The following KIAA1217 variants were observed in gnomAD, a reference collection of about 807,000 sequenced individuals.
KIAA1217 encodes the protein sickle tail protein homolog.
KIAA1217 carries 88 observed loss-of-function variants against 163.9 expected under a neutral mutation model. The observed-to-expected ratio is 0.54, with a 90% confidence interval of 0.45 to 0.64. The LOEUF is 0.64. KIAA1217 is among the 30% of genes least tolerant of loss of function. The pLI is 0.00. For missense variants in KIAA1217, 2,372 were observed against 2,475.0 expected, an observed-to-expected ratio of 0.96 and a Z score of 0.88; for synonymous variants, 903 against 923.1, an observed-to-expected ratio of 0.98 and a Z score of 0.39.
chr10:23,854,036 T>G (rs1016637901), intron 1 of KIAA1217, among the ~76,000 whole-genome samples: 9 of 152,142 alleles, frequency 5.9e-5, no homozygotes, highest in Non-Finnish European at 8.8e-5. Context: ...TGATTTTAGT[T>G]ATTTCTTGCC....
chr10:23,719,952 T>C (rs1264596527), intron 1 of KIAA1217, among the ~76,000 whole-genome samples: 2 of 152,094 alleles, frequency 1.3e-5, no homozygotes, highest in Non-Finnish European at 2.9e-5. Flanking sequence ...ATTACATTTA[T>C]ATGAAATGTT....
rs973558151 is a variant in KIAA1217 at position 24,521,824 on chromosome 10, G to T, written c.2351G>T (p.Arg784Leu). 6.2e-7 allele frequency: 1 copy of T among 1,613,692 alleles called. No homozygotes were observed. Among genetic ancestry groups the T allele is most frequent in the South Asian group, 1.1e-5 (1 of 91,068 alleles). ...TLQNKMRAIL[R>L]IEVEAVRFLK... ...CAAAACAAGATGCGAGCCATCCTGC[G>T]CATAGAAGTGGAGGCCGTGCGGTTT... Residue 784 changes from arginine to leucine, a missense_variant, in exon 12 of 21, where the codon CGC (arginine) becomes CTC (leucine). Coordinates refer to ENST00000376454, the MANE Select transcript of KIAA1217 (RefSeq NM_019590.5).
intron 1 of KIAA1217, among the ~76,000 whole-genome samples, chr10:23,946,926 G>A (rs1309244365): frequency 6.6e-6 from 1 of 152,124 alleles, no homozygotes; most frequent in Admixed American, 6.5e-5. Context: ...CCAGTGGGAG[G>A]TAATTGAATC....
chr10:24,100,662 C>G (rs1387974104), intron 2 of KIAA1217, among the ~76,000 whole-genome samples: 1 of 152,158 alleles, frequency 6.6e-6, no homozygotes, highest in Non-Finnish European at 1.5e-5. Flanking sequence ...GCCTTCAAGG[C>G]AATAAATATT....
intron 6 of KIAA1217, among the ~76,000 whole-genome samples, chr10:24,476,556 C>T (rs1268144985): frequency 1.3e-5 from 2 of 152,120 alleles, no homozygotes; most frequent in Non-Finnish European, 2.9e-5. Context: ...ACTGACAAAA[C>T]AGATGAATAT....
intron 1 of KIAA1217, among the ~76,000 whole-genome samples, chr10:23,960,536 C>A (rs1267440671): frequency 6.6e-6 from 1 of 151,336 alleles, no homozygotes; most frequent in Non-Finnish European, 1.5e-5. Flanking sequence ...GGATTACAGG[C>A]GTGAGCCACC....
chr10:24,488,377 T>C (rs1246225028), intron 6 of KIAA1217, among the ~76,000 whole-genome samples: 1 of 152,044 alleles, frequency 6.6e-6, no homozygotes, highest in East Asian at 1.9e-4. Flanking sequence ...GCAGGGGAGA[T>C]ACTGAGACAT....
chr10:24,263,476 T>C (rs1242903053), intron 2 of KIAA1217, among the ~76,000 whole-genome samples: 1 of 152,214 alleles, frequency 6.6e-6, no homozygotes. Flanking sequence ...ACGGCATGAA[T>C]GATGTCTTTA....
chr10:23,747,542 G>T (rs542314974), intron 1 of KIAA1217, among the ~76,000 whole-genome samples: 3 of 152,136 alleles, frequency 2.0e-5, no homozygotes, highest in Non-Finnish European at 4.4e-5. Flanking sequence ...TGTCAAGAAG[G>T]GAATGACTAT....
chr10:24,229,884 C>T (rs1019373448), intron 2 of KIAA1217, among the ~76,000 whole-genome samples: 7 of 152,096 alleles, frequency 4.6e-5, no homozygotes, highest in Non-Finnish European at 8.8e-5. Flanking sequence ...ATCTAGTATA[C>T]TGTGTGCACA....
chr10:23,814,178 G>C (rs1346169084), intron 1 of KIAA1217, among the ~76,000 whole-genome samples: 1 of 152,110 alleles, frequency 6.6e-6, no homozygotes, highest in African/African-American at 2.4e-5. Context: ...GGCAGGGAGG[G>C]GGATGCCAAG....
intron 1 of KIAA1217, among the ~76,000 whole-genome samples, chr10:23,908,768 G>A (rs575752080): frequency 3.9e-5 from 6 of 152,200 alleles, no homozygotes; most frequent in Middle Eastern, 3.4e-3. Flanking sequence ...GCATGCATGC[G>A]GTGAACAGGG....
chr10:24,020,682 T>C (rs1208283040), intron 2 of KIAA1217, among the ~76,000 whole-genome samples: 123 of 152,006 alleles, frequency 8.1e-4, no homozygotes, highest in Non-Finnish European at 1.8e-4. Context: ...CTGTGCACAA[T>C]CATTGGTTGA....
At chr10:24,044,810 T>G (rs1848875899) in intron 2 of KIAA1217, among the ~76,000 whole-genome samples, 1 of 152,126 alleles carries the variant, frequency 6.6e-6, no homozygotes. Flanking sequence ...TTTTAAAGTC[T>G]TTAGTCTTCT....
chr10:24,294,596 G>A (rs139223603), intron 2 of KIAA1217, among the ~76,000 whole-genome samples: 88 of 152,292 alleles, frequency 5.8e-4, no homozygotes, highest in African/African-American at 2.1e-3. Context: ...CGTAGTCAGT[G>A]GATCTGTTTC....
chr10:24,069,892 T>C (rs1479101111), intron 2 of KIAA1217, among the ~76,000 whole-genome samples: 4 of 152,144 alleles, frequency 2.6e-5, no homozygotes, highest in Admixed American at 6.5e-5. Context: ...CAGGCTGGAG[T>C]GCAGTGGTGC....
At chr10:24,410,895 CTGTT>C (rs1375002692) in intron 3 of KIAA1217, among the ~76,000 whole-genome samples, 1 of 152,140 alleles carries the variant, frequency 6.6e-6, no homozygotes, top group Admixed American at 6.5e-5. Context: ...CTAAAATAAT[CTGTT>C]TCTCACAGTC....
chr10:23,896,601 C>T (rs545711341), intron 1 of KIAA1217, among the ~76,000 whole-genome samples: 178 of 151,906 alleles, frequency 1.2e-3, no homozygotes, highest in Non-Finnish European at 2.0e-3. Flanking sequence ...TGATATAGAC[C>T]GAATAATCAT....
At chr10:24,417,051 A>G (rs954748646) in intron 3 of KIAA1217, among the ~76,000 whole-genome samples, 2 of 152,122 alleles carry the variant, frequency 1.3e-5, no homozygotes, top group Non-Finnish European at 2.9e-5. Context: ...AGAGCTGGCA[A>G]TGGATGGATT....
Sources: allele counts gnomAD v4.1 joint callset (sites outside exome capture counted in the v4.1 genomes callset), GRCh38; gene constraint gnomAD v4.1.1; transcripts MANE v1.5; gene names NCBI Gene and HGNC (gene_info 2026-07-23, HGNC 2026-07-21).